CCSER1: variants seen among roughly 807,000 people sequenced by gnomAD.
CCSER1 encodes serine-rich coiled-coil domain-containing protein 1.
Under a neutral mutation model 82.0 loss-of-function variants are expected in CCSER1, and 41 were observed. The ratio of observed to expected loss-of-function variants is 0.50; its 90% CI spans 0.39 to 0.65. The LOEUF is 0.65. Ranked by LOEUF, CCSER1 falls within the 30% of genes least tolerant of loss-of-function variation. CCSER1 has a pLI of 0.00. For synonymous variants in CCSER1, 414 were observed against 383.9 expected (o/e 1.08, Z -0.92); for missense variants, 1,119 against 1,064.2 (o/e 1.05, Z -0.72).
intron 10 of CCSER1, among the ~76,000 whole-genome samples, chr4:91,184,976 A>T (rs1232175499): frequency 6.6e-6 from 1 of 152,184 alleles, no homozygotes; most frequent in Non-Finnish European, 1.5e-5. Context: ...CACAATGCAA[A>T]ATATAACTTC....
chr4:90,485,855 A>G (rs992948888), intron 5 of CCSER1, among the ~76,000 whole-genome samples: 1 of 152,042 alleles, frequency 6.6e-6, no homozygotes, highest in Non-Finnish European at 1.5e-5. Context: ...AGCTCCATGC[A>G]CATTCCTGCA....
chr4:90,533,338 G>T (rs1179762891), intron 5 of CCSER1, among the ~76,000 whole-genome samples: 3 of 151,778 alleles, frequency 2.0e-5, no homozygotes, highest in Non-Finnish European at 4.4e-5. Context: ...CTAGTAACCC[G>T]CCCGCCTTGG....
chr4:90,484,710 G>A (rs1405048205), intron 5 of CCSER1, among the ~76,000 whole-genome samples: 2 of 152,174 alleles, frequency 1.3e-5, no homozygotes, highest in Middle Eastern at 3.2e-3. Flanking sequence ...CGCAAATGCT[G>A]CTCCCTGATG....
chr4:91,003,592 G>A (rs990438328), intron 9 of CCSER1, among the ~76,000 whole-genome samples: 3 of 152,112 alleles, frequency 2.0e-5, no homozygotes, highest in Non-Finnish European at 4.4e-5. Flanking sequence ...AACCGAGTCT[G>A]TTTCCAAACA....
chr4:91,178,025 G>C (rs1397228606), intron 10 of CCSER1, among the ~76,000 whole-genome samples: 1 of 152,008 alleles, frequency 6.6e-6, no homozygotes, highest in East Asian at 1.9e-4. Flanking sequence ...TGTTCTCATT[G>C]GTTTCAAAGA....
chr4:90,335,801 C>T (rs2153500919), intron 3 of CCSER1, among the ~76,000 whole-genome samples: 1 of 152,278 alleles, frequency 6.6e-6, no homozygotes, highest in Non-Finnish European at 1.5e-5. Flanking sequence ...TTCTCTGTTG[C>T]AACACACAAT....
At chr4:91,016,845 AG>A (rs1332083911) in intron 9 of CCSER1, among the ~76,000 whole-genome samples, 9 of 152,258 alleles carry the variant, frequency 5.9e-5, no homozygotes, top group Admixed American at 5.2e-4. Context: ...GATTTTCTTT[AG>A]TTAAATAGTT....
rs35557731 is a variant in CCSER1, at chr4:91,187,544, G to GTTTT, written c.2217+101557_2217+101560dup. 2.9e-3 allele frequency among the ~76,000 whole-genome samples: 442 copies of GTTTT among 150,848 alleles called. 1 individual carries two copies. The highest frequency in any genetic ancestry group is 0.01 in the African/African-American group (416 of 41,048). On this transcript the variant is annotated intron_variant, in intron 10 of 10. Transcript: ENST00000509176. ...TATGAATGTAGAAATCAATAAATTT[G>GTTTT]TTTTTTTTTTAATTTTTTATTTTTG... is the stretch of plus-strand genomic sequence containing the variant.
intron 5 of CCSER1, among the ~76,000 whole-genome samples, chr4:90,469,639 G>A (rs1031924540): frequency 8.6e-5 from 13 of 151,494 alleles, no homozygotes; most frequent in Non-Finnish European, 1.6e-4. Context: ...TATTGAGAAA[G>A]GACCTGAAAT....
At chr4:90,457,846 C>G (rs1405540841) in intron 4 of CCSER1, among the ~76,000 whole-genome samples, 1 of 152,184 alleles carries the variant, frequency 6.6e-6, no homozygotes, top group Admixed American at 6.5e-5. Context: ...ACCCAGGAGC[C>G]TATCTGCTTT....
rs575076564 is a variant in CCSER1 at position 91,190,989 on chromosome 4, A to C, written c.2217+104995A>C. Among the ~76,000 whole-genome samples, 53 of 152,352 alleles carry C rather than the reference A, an allele frequency of 3.5e-4. No homozygotes were observed. The East Asian group carries it at 9.8e-3, about 28-fold the overall frequency. On this transcript the variant is annotated intron_variant, in intron 10 of 10. Coordinates refer to ENST00000509176, the MANE Select transcript of CCSER1 (RefSeq NM_001145065.2). ...GTTATCAGGATTAAATGAGTTAATCAGAATAATGTCTGAAACATAATGGAT... is the reference window on the plus strand; with the variant it reads ...GTTATCAGGATTAAATGAGTTAATCCGAATAATGTCTGAAACATAATGGAT...
chr4:91,220,862 T>C (rs1737676844), intron 10 of CCSER1, among the ~76,000 whole-genome samples: 1 of 152,110 alleles, frequency 6.6e-6, no homozygotes, highest in African/African-American at 2.4e-5. Flanking sequence ...TATATATACA[T>C]ATATATCAAA....
In CCSER1 at chr4:91,598,817, A is replaced by T; in HGVS notation, c.2463A>T (p.Leu821Phe). 6.4e-7 allele frequency: 1 copy of T among 1,551,640 alleles called. No individual in the cohort carries two copies. The highest frequency in any genetic ancestry group is 8.7e-7 in the Non-Finnish European group (1 of 1,146,922). The change falls in exon 11 of 11, where the codon TTA becomes TTT. Residue 821 changes from leucine (L) to phenylalanine (F), a missense_variant. Leu to Phe is a conservative substitution (Grantham distance 22, BLOSUM62 0). Coordinates refer to ENST00000509176, the MANE Select transcript of CCSER1 (RefSeq NM_001145065.2). The part of the protein sequence containing the change: ...ETLTSDVTQN[L>F]RATVGQSSLK... ...TCACTTCAGACGTTACACAGAACTT[A>T]CGGGCCACCGTTGGGCAGAGCTCTC...
intron 10 of CCSER1, among the ~76,000 whole-genome samples, chr4:91,291,980 C>G (rs1743780999): frequency 6.6e-6 from 1 of 151,942 alleles, no homozygotes. Context: ...TTTTTTTCTT[C>G]CAAGGTTGTT....
intron 10 of CCSER1, among the ~76,000 whole-genome samples, chr4:91,496,529 A>G (rs1359075242): frequency 7.2e-6 from 1 of 139,252 alleles, no homozygotes; most frequent in East Asian, 2.0e-4. Flanking sequence ...TACAAAAAAT[A>G]TATGAACATG....
chr4:91,043,250 T>A (rs1174932024), intron 9 of CCSER1, among the ~76,000 whole-genome samples: 1 of 151,936 alleles, frequency 6.6e-6, no homozygotes, highest in Non-Finnish European at 1.5e-5. Flanking sequence ...ATGAAAATAA[T>A]CATAGAAAAA....
intron 10 of CCSER1, among the ~76,000 whole-genome samples, chr4:91,297,395 G>A (rs201802331): frequency 0.094 from 13,805 of 146,824 alleles, 673 homozygotes; most frequent in South Asian, 0.15. Context: ...ATGTGTGTGT[G>A]TGTGTGTGTG....
At chr4:90,696,623 G>T (rs958502587) in intron 6 of CCSER1, among the ~76,000 whole-genome samples, 2 of 152,078 alleles carry the variant, frequency 1.3e-5, no homozygotes, top group African/African-American at 4.8e-5. Flanking sequence ...ATATAGACAC[G>T]TAAACAAATA....
chr4:90,428,155 G>A (rs1294689298), intron 4 of CCSER1, among the ~76,000 whole-genome samples: 2 of 151,764 alleles, frequency 1.3e-5, no homozygotes, highest in Non-Finnish European at 3.0e-5. Flanking sequence ...GAAAAATGCA[G>A]ATTTGTTTTA....
Sources: gnomAD v4.1 joint callset for allele counts (sites outside exome capture counted in the v4.1 genomes callset) on GRCh38, gnomAD v4.1.1 for gene constraint, MANE v1.5 for transcripts, NCBI Gene and HGNC (gene_info 2026-07-23, HGNC 2026-07-21) for gene names.